PPP2R2A: variants seen among roughly 807,000 people sequenced by gnomAD.
PPP2R2A encodes the protein protein phosphatase 2 regulatory subunit Balpha, also known as serine/threonine-protein phosphatase 2A 55 kDa regulatory subunit B alpha isoform.
Under a neutral mutation model 53.2 loss-of-function variants are expected in PPP2R2A, and 9 were observed. The ratio of observed to expected loss-of-function variants is 0.17; its 90% CI spans 0.10 to 0.30. PPP2R2A has a LOEUF of 0.30. Ranked by LOEUF, PPP2R2A falls within the 10% of genes least tolerant of loss-of-function variation. PPP2R2A has a pLI of 1.00. For synonymous variants in PPP2R2A, 169 were observed against 174.2 expected (o/e 0.97, Z 0.23); for missense variants, 235 against 534.6 (o/e 0.44, Z 5.53).
intron 2 of PPP2R2A, among the ~76,000 whole-genome samples, chr8:26,317,042 T>G (rs1218970164): frequency 1.3e-5 from 2 of 152,248 alleles, no homozygotes; most frequent in Non-Finnish European, 2.9e-5. Context: ...AATGGCTTTC[T>G]TTGTTTTCCA....
intron 2 of PPP2R2A, among the ~76,000 whole-genome samples, chr8:26,327,107 C>G (rs1803128103): frequency 2.0e-5 from 3 of 152,126 alleles, no homozygotes; most frequent in Admixed American, 2.0e-4. Context: ...TCCTTCAGCC[C>G]TTGGAAGCGG....
At chr8:26,292,983 T>G in intron 1 of PPP2R2A, 3 of 402,726 alleles carry the variant, frequency 7.4e-6, no homozygotes, top group Non-Finnish European at 4.4e-6. Flanking sequence ...AAAAATGAAA[T>G]GAGATTAAAA....
chr8:26,325,513 C>A (rs771360761), intron 2 of PPP2R2A, among the ~76,000 whole-genome samples: 2 of 152,014 alleles, frequency 1.3e-5, no homozygotes, highest in Non-Finnish European at 2.9e-5. Context: ...AGTTGTATTC[C>A]CTGTTTAGAT....
At chr8:26,292,106 TG>T (rs1801325626) in intron 1 of PPP2R2A, 10 of 498,860 alleles carry the variant, frequency 2.0e-5, no homozygotes, top group Non-Finnish European at 2.4e-5. Flanking sequence ...TGGGGCGGGG[TG>T]GGGGTGCGTG....
At chr8:26,292,539 A>G (rs1349428599) in intron 1 of PPP2R2A, 4 of 777,598 alleles carry the variant, frequency 5.1e-6, no homozygotes, top group Middle Eastern at 6.5e-4. Flanking sequence ...AGAGTTAGTT[A>G]AAATAGTTGC....
intron 2 of PPP2R2A, among the ~76,000 whole-genome samples, chr8:26,336,380 G>A (rs1467415621): frequency 6.6e-6 from 1 of 152,128 alleles, no homozygotes; most frequent in Non-Finnish European, 1.5e-5. Context: ...AGTGAGGTAT[G>A]ATTGAACCAC....
intron 3 of PPP2R2A, 116 bp downstream of exon 3, chr8:26,339,103 T>A: frequency 1.3e-6 from 1 of 759,770 alleles, no homozygotes; most frequent in Non-Finnish European, 2.2e-6. Context: ...GTGTGTTTAT[T>A]GAATACAATG....
intron 8 of PPP2R2A, chr8:26,365,453 T>C (rs1392420048): frequency 6.6e-6 from 1 of 152,188 alleles, no homozygotes; most frequent in East Asian, 1.9e-4. Flanking sequence ...AAAATAAGTT[T>C]AGATTGTTTC....
chr8:26,308,576 A>G (rs1802127520), intron 2 of PPP2R2A, among the ~76,000 whole-genome samples: 1 of 152,216 alleles, frequency 6.6e-6, no homozygotes, highest in South Asian at 2.1e-4. Flanking sequence ...AATTGGACCA[A>G]TACATCTTTA....
At chr8:26,314,897 C>G (rs1031581504) in intron 2 of PPP2R2A, among the ~76,000 whole-genome samples, 11 of 146,478 alleles carry the variant, frequency 7.5e-5, no homozygotes, top group East Asian at 4.0e-4. Flanking sequence ...TTCCCCCCCC[C>G]CCCCCCAACT....
chr8:26,340,456 T>C (rs1803884259), intron 3 of PPP2R2A, among the ~76,000 whole-genome samples: 1 of 152,088 alleles, frequency 6.6e-6, no homozygotes, highest in African/African-American at 2.4e-5. Context: ...CTGAAAGTTA[T>C]TGACTCTCTA....
intron 8 of PPP2R2A, among the ~76,000 whole-genome samples, chr8:26,364,798 AT>A (rs1378585275): frequency 5.9e-5 from 9 of 152,150 alleles, no homozygotes; most frequent in Admixed American, 5.2e-4. Context: ...TCATACACAG[AT>A]TTTTTGTTTT....
intron 2 of PPP2R2A, among the ~76,000 whole-genome samples, chr8:26,330,160 ACTT>A (rs1803294237): frequency 6.6e-6 from 1 of 152,100 alleles, no homozygotes; most frequent in African/African-American, 2.4e-5. Flanking sequence ...TAGTTCTTCA[ACTT>A]CTTGATATTT....
At chr8:26,293,029 C>T in intron 1 of PPP2R2A, 1 of 432,296 alleles carries the variant, frequency 2.3e-6, no homozygotes. Context: ...AAAATGAATT[C>T]TTTGCCAGGT....
At chr8:26,292,513 C>T (rs1457077143) in intron 1 of PPP2R2A, 2 of 885,276 alleles carry the variant, frequency 2.3e-6, no homozygotes, top group African/African-American at 1.8e-5. Flanking sequence ...ATGTCCTTTT[C>T]CCAAAAGGGT....
chr8:26,362,602 G>C lies in PPP2R2A; in HGVS notation c.638-82G>C. ...AATTAATATTTTTGCTTAGGTCCAT[G>C]AATGGGTTTTAGGTTTGAGAAATGT... On this transcript the variant is annotated intron_variant, in intron 6 of 9. Transcript: ENST00000380737. This position sits in a 1 kb window ranked among gnomAD's most constrained non-coding sequence, Gnocchi z 4.4. 1 of 1,341,630 alleles carries C rather than the reference G, an allele frequency of 7.5e-7. No individual in the cohort carries two copies. Among genetic ancestry groups the C allele is most frequent in the Non-Finnish European group, 1.0e-6 (1 of 969,710 alleles). 83.1% of individuals were successfully genotyped at this position (1,341,630 alleles called of 1,614,324 possible).
At chr8:26,332,582 C>G (rs1803442517) in intron 2 of PPP2R2A, among the ~76,000 whole-genome samples, 1 of 152,044 alleles carries the variant, frequency 6.6e-6, no homozygotes, top group African/African-American at 2.4e-5. Flanking sequence ...TAAGCATTTA[C>G]TGAATCCTTT....
At chr8:26,365,522 C>A (rs1267103426) in intron 8 of PPP2R2A, 1 of 152,108 alleles carries the variant, frequency 6.6e-6, no homozygotes, top group Non-Finnish European at 1.5e-5. Flanking sequence ...GTCATTTCTC[C>A]TTAAGTAGCT....
intron 3 of PPP2R2A, among the ~76,000 whole-genome samples, chr8:26,348,366 C>G (rs1804327759): frequency 6.6e-6 from 1 of 152,130 alleles, no homozygotes; most frequent in Non-Finnish European, 1.5e-5. Context: ...GAATTGGAGA[C>G]TTATTGAATG....
Sources: allele counts gnomAD v4.1 joint callset (sites outside exome capture counted in the v4.1 genomes callset), GRCh38; gene constraint gnomAD v4.1.1; non-coding constraint Gnocchi (gnomAD v3.1); transcripts MANE v1.5; gene names NCBI Gene and HGNC (gene_info 2026-07-23, HGNC 2026-07-21).